The following ATRNL1 variants were observed in gnomAD, a reference collection of about 807,000 sequenced individuals.
ATRNL1 encodes attractin like 1.
Under a neutral mutation model 182.7 loss-of-function variants are expected in ATRNL1, and 95 were observed. The ratio of observed to expected loss-of-function variants is 0.52; its 90% confidence interval spans 0.44 to 0.62. The LOEUF is 0.62. Ranked by LOEUF, ATRNL1 falls within the 20% of genes least tolerant of loss-of-function variation. The pLI is 0.00. For missense variants in ATRNL1, 1,471 were observed against 1,679.5 expected, an observed-to-expected ratio of 0.88 and a Z score of 2.17; for synonymous variants, 576 against 568.3, an observed-to-expected ratio of 1.01 and a Z score of -0.19.
chr10:115,549,617 C>A (rs1852851192), intron 26 of ATRNL1, 81 bp downstream of exon 26: 4 of 891,406 alleles, frequency 4.5e-6, no homozygotes, highest in Non-Finnish European at 6.5e-6. Context: ...TTACCATGCT[C>A]TCTTGGAATG....
intron 27 of ATRNL1, among the ~76,000 whole-genome samples, chr10:115,735,137 C>A (rs1329981697): frequency 6.6e-6 from 1 of 152,064 alleles, no homozygotes; most frequent in Non-Finnish European, 1.5e-5. Context: ...CACAGTTGTT[C>A]TTCGCCTTCA....
At chr10:115,156,088 G>A (rs1382942233) in intron 5 of ATRNL1, among the ~76,000 whole-genome samples, 1 of 152,092 alleles carries the variant, frequency 6.6e-6, no homozygotes, top group Non-Finnish European at 1.5e-5. Flanking sequence ...AGGGAGGTTT[G>A]AATTATCTCA....
At chr10:115,705,379 A>G (rs1045547671) in intron 26 of ATRNL1, among the ~76,000 whole-genome samples, 6 of 151,970 alleles carry the variant, frequency 3.9e-5, no homozygotes, top group Non-Finnish European at 8.8e-5. Context: ...AGAGGTATTG[A>G]TTTTAAAAAG....
intron 8 of ATRNL1, among the ~76,000 whole-genome samples, chr10:115,177,903 G>GTTTTTTTTTTT (rs147613896): frequency 2.0e-5 from 2 of 102,082 alleles, no homozygotes; most frequent in Admixed American, 1.0e-4. Flanking sequence ...TTGTTTTTTT[G>GTTTTTTTTTTT]TTTTTTTTGT....
chr10:115,749,802 T>C (rs1948396301), intron 27 of ATRNL1, among the ~76,000 whole-genome samples: 1 of 151,900 alleles, frequency 6.6e-6, no homozygotes, highest in South Asian at 2.1e-4. Context: ...AAAAATTAAA[T>C]TTGAAGCCAG....
At chr10:115,409,608 G>A (rs615178) in intron 20 of ATRNL1, among the ~76,000 whole-genome samples, 57,913 of 151,832 alleles carry the variant, frequency 0.38, 12,211 homozygotes, top group African/African-American at 0.57. Flanking sequence ...CACTATGTTG[G>A]ATAAGCATGG....
At chr10:115,485,931 C>T (rs114590619) in intron 24 of ATRNL1, among the ~76,000 whole-genome samples, 189 of 150,036 alleles carry the variant, frequency 1.3e-3, no homozygotes, top group African/African-American at 4.2e-3. Flanking sequence ...TTGTGATCCC[C>T]GCCCCCACTC....
At chr10:115,873,371 T>G (rs1951628496) in intron 28 of ATRNL1, among the ~76,000 whole-genome samples, 1 of 152,320 alleles carries the variant, frequency 6.6e-6, no homozygotes. Flanking sequence ...TAAATTTTAG[T>G]AGGATTGAAA....
At chr10:115,453,391 A>G (rs2134494880) in intron 21 of ATRNL1, among the ~76,000 whole-genome samples, 1 of 152,164 alleles carries the variant, frequency 6.6e-6, no homozygotes, top group South Asian at 2.1e-4. Context: ...TACCTGATAT[A>G]TAGTTGTTTG....
chr10:115,220,997 G>A (rs1849440890), intron 9 of ATRNL1, among the ~76,000 whole-genome samples: 1 of 152,106 alleles, frequency 6.6e-6, no homozygotes, highest in Non-Finnish European at 1.5e-5. Context: ...CCACTCCCAA[G>A]CCCTATCATC....
chr10:115,270,903 A>G (rs1224897207), intron 13 of ATRNL1, among the ~76,000 whole-genome samples: 1 of 152,130 alleles, frequency 6.6e-6, no homozygotes, highest in Non-Finnish European at 1.5e-5. Context: ...ACATATCTAC[A>G]TAAACCATAC....
intron 20 of ATRNL1, among the ~76,000 whole-genome samples, chr10:115,398,534 A>G (rs1554956152): frequency 6.6e-6 from 1 of 151,958 alleles, no homozygotes. Context: ...GTGTATAGGA[A>G]TGCTATTGAT....
At chr10:115,154,870 C>G (rs1846428428) in intron 5 of ATRNL1, among the ~76,000 whole-genome samples, 2 of 152,142 alleles carry the variant, frequency 1.3e-5, no homozygotes, top group African/African-American at 4.8e-5. Context: ...CACTCTTAGA[C>G]TGCCACTGTC....
intron 5 of ATRNL1, among the ~76,000 whole-genome samples, chr10:115,140,840 C>T (rs1672294495): frequency 6.6e-6 from 1 of 152,120 alleles, no homozygotes; most frequent in South Asian, 2.1e-4. Context: ...CGTAGTGCCT[C>T]TGATCTTTAT....
At chr10:115,385,566 A>T (rs1858292857) in intron 19 of ATRNL1, among the ~76,000 whole-genome samples, 1 of 152,176 alleles carries the variant, frequency 6.6e-6, no homozygotes, top group Non-Finnish European at 1.5e-5. Context: ...GTTTTAAAGT[A>T]GATAAATTAT....
At chr10:115,127,526 A>G in intron 3 of ATRNL1, 67 bp from the exon 4 acceptor site, 1 of 1,359,082 alleles carries the variant, frequency 7.4e-7, no homozygotes, top group Non-Finnish European at 1.0e-6. Flanking sequence ...ATTTCTGAGT[A>G]AATTTTATGT....
At chr10:115,671,215 C>T (rs1945687489) in intron 26 of ATRNL1, among the ~76,000 whole-genome samples, 1 of 152,022 alleles carries the variant, frequency 6.6e-6, no homozygotes, top group African/African-American at 2.4e-5. Flanking sequence ...TGCCCAAAGC[C>T]TTTTGATGAA....
chr10:115,229,893 A>G (rs1554899571), intron 9 of ATRNL1, among the ~76,000 whole-genome samples: 1 of 152,174 alleles, frequency 6.6e-6, no homozygotes, highest in African/African-American at 2.4e-5. Context: ...ATATAGTTTC[A>G]AAACCATAAT....
At chr10:115,609,107 G>T (rs11197351) in intron 26 of ATRNL1, among the ~76,000 whole-genome samples, 1,654 of 152,144 alleles carry the variant, frequency 0.011, 28 homozygotes, top group African/African-American at 0.038. Context: ...ATTAAAACGG[G>T]TTAACACTAA....
Sources: allele counts gnomAD v4.1 joint callset (sites outside exome capture counted in the v4.1 genomes callset), GRCh38; gene constraint gnomAD v4.1.1; transcripts MANE v1.5; gene names NCBI Gene and HGNC (gene_info 2026-07-23, HGNC 2026-07-21).